NXPE2: variants seen among roughly 807,000 people sequenced by gnomAD.
NXPE2 encodes the protein NXPE family member 2.
Under a neutral mutation model 34.4 loss-of-function variants are expected in NXPE2, and 34 were observed. That is an observed-to-expected ratio of 0.99 (90% CI 0.75 to 1.31). NXPE2 has a LOEUF of 1.31. Among genes scored for constraint, NXPE2 ranks in the 40% most tolerant of loss-of-function variants. The pLI, the probability that NXPE2 is intolerant of heterozygous loss-of-function variation, is 0.00. For synonymous variants in NXPE2, 235 were observed against 231.3 expected (o/e 1.02, Z -0.15); for missense variants, 649 against 672.5 (o/e 0.97, Z 0.39).
the NXPE2 span, among the ~76,000 whole-genome samples, chr11:114,568,857 TTTTG>T: frequency 6.6e-6 from 1 of 152,206 alleles, no homozygotes; most frequent in African/African-American, 2.4e-5. Context: ...TTTATGTCTT[TTTTG>T]TTTATTATCT....
At chr11:114,628,076 C>T in the NXPE2 span, among the ~76,000 whole-genome samples, 2 of 149,258 alleles carry the variant, frequency 1.3e-5, no homozygotes, top group African/African-American at 5.0e-5. Context: ...TAATGGGAGA[C>T]TTTAACACCC....
the NXPE2 span, among the ~76,000 whole-genome samples, chr11:114,492,228 A>G: frequency 6.6e-6 from 1 of 152,054 alleles, no homozygotes; most frequent in Non-Finnish European, 1.5e-5. Context: ...TTTTGTTTGA[A>G]TTTTATTTCT....
At chr11:114,626,161 G>C in the NXPE2 span, among the ~76,000 whole-genome samples, 1 of 152,150 alleles carries the variant, frequency 6.6e-6, no homozygotes, top group Non-Finnish European at 1.5e-5. Flanking sequence ...GCTCGAACTG[G>C]GTGGAGCCCA....
At chr11:114,807,349 T>C in the NXPE2 span, among the ~76,000 whole-genome samples, 1 of 152,148 alleles carries the variant, frequency 6.6e-6, no homozygotes, top group Non-Finnish European at 1.5e-5. Context: ...CAATATTAAC[T>C]TTAAATGTAA....
chr11:114,506,126 AAAAAG>A, the NXPE2 span, among the ~76,000 whole-genome samples: 1 of 133,956 alleles, frequency 7.5e-6, no homozygotes, highest in Non-Finnish European at 1.6e-5. Context: ...AAAAAAAAAA[AAAAAG>A]AAGTTAAAAA....
At chr11:114,533,129 TG>T in the NXPE2 span, among the ~76,000 whole-genome samples, 21 of 152,296 alleles carry the variant, frequency 1.4e-4, no homozygotes, top group Non-Finnish European at 2.9e-4. Flanking sequence ...ATGAGAATGA[TG>T]GGGGGAGAAA....
At chr11:114,550,090 A>G in the NXPE2 span, among the ~76,000 whole-genome samples, 5 of 152,256 alleles carry the variant, frequency 3.3e-5, no homozygotes, top group African/African-American at 4.8e-5. Context: ...AAAGGAAACC[A>G]TGTCCTTGGA....
chr11:114,667,018 C>T, the NXPE2 span, among the ~76,000 whole-genome samples: 9,765 of 152,188 alleles, frequency 0.064, 333 homozygotes, highest in South Asian at 0.1. Flanking sequence ...ATCTAACGTC[C>T]TCACTTTTAA....
chr11:114,584,739 T>G, the NXPE2 span: 1 of 152,796 alleles, frequency 6.5e-6, no homozygotes, highest in African/African-American at 2.4e-5. Flanking sequence ...GTCCCCAATC[T>G]TTCTCTCCCA....
the NXPE2 span, among the ~76,000 whole-genome samples, chr11:114,632,073 TATA>T: frequency 0.18 from 25,127 of 142,782 alleles, 2,630 homozygotes; most frequent in Non-Finnish European, 0.22. Context: ...AATTGTATAG[TATA>T]ATATTATTAT....
chr11:114,798,286 CTGTCCCCAGGAAA>C, the NXPE2 span, among the ~76,000 whole-genome samples: 3 of 152,306 alleles, frequency 2.0e-5, 1 homozygote, highest in African/African-American at 7.2e-5. Flanking sequence ...ATTGCAGCTA[CTGTCCCCAGGAAA>C]ATTGGACAAA....
chr11:114,777,664 T>G, the NXPE2 span, among the ~76,000 whole-genome samples: 1 of 152,184 alleles, frequency 6.6e-6, no homozygotes, highest in Non-Finnish European at 1.5e-5. Context: ...TTTCCTGGCT[T>G]CCTTCCTTCC....
At chr11:114,618,682 C>T in the NXPE2 span, among the ~76,000 whole-genome samples, 2 of 152,080 alleles carry the variant, frequency 1.3e-5, no homozygotes, top group African/African-American at 4.8e-5. Flanking sequence ...CCAGTATTAC[C>T]CACTTGATAA....
the NXPE2 span, among the ~76,000 whole-genome samples, chr11:114,545,911 G>A: frequency 1.3e-5 from 2 of 151,794 alleles, no homozygotes; most frequent in African/African-American, 2.4e-5. Flanking sequence ...GGATGGTCTC[G>A]ATAGCTTGAC....
chr11:114,538,877 G>C, the NXPE2 span, among the ~76,000 whole-genome samples: 1 of 152,136 alleles, frequency 6.6e-6, no homozygotes, highest in Non-Finnish European at 1.5e-5. Context: ...TCAGTGTGGT[G>C]ATTCCTCAGG....
the NXPE2 span, among the ~76,000 whole-genome samples, chr11:114,488,997 A>G: frequency 6.6e-6 from 1 of 152,186 alleles, no homozygotes; most frequent in Non-Finnish European, 1.5e-5. Flanking sequence ...GAAGAATCAA[A>G]TAGACGCAAT....
chr11:114,806,962 A>C, the NXPE2 span, among the ~76,000 whole-genome samples: 2 of 152,148 alleles, frequency 1.3e-5, no homozygotes, highest in African/African-American at 4.8e-5. Context: ...TTACCCACAA[A>C]GGGAAGCCCA....
the NXPE2 span, among the ~76,000 whole-genome samples, chr11:114,724,295 C>T: frequency 6.6e-6 from 1 of 152,046 alleles, no homozygotes; most frequent in Non-Finnish European, 1.5e-5. Flanking sequence ...CAGTGAGGTT[C>T]TCATCCCTCA....
At chr11:114,626,611 G>A in the NXPE2 span, among the ~76,000 whole-genome samples, 1 of 152,212 alleles carries the variant, frequency 6.6e-6, no homozygotes, top group Admixed American at 6.5e-5. Context: ...AAAAAGCAGA[G>A]CGCCTCTCCT....
Sources: allele counts gnomAD v4.1 joint callset (sites outside exome capture counted in the v4.1 genomes callset), GRCh38; gene constraint gnomAD v4.1.1; transcripts MANE v1.5; gene names NCBI Gene and HGNC (gene_info 2026-07-23, HGNC 2026-07-21).